SMC4: variants seen among roughly 807,000 people sequenced by gnomAD.
SMC4 encodes structural maintenance of chromosomes 4.
Under a neutral mutation model 145.6 loss-of-function variants are expected in SMC4, and 87 were observed. The ratio of observed to expected loss-of-function variants is 0.60; its 90% confidence interval spans 0.50 to 0.71. The LOEUF (loss-of-function observed/expected upper bound fraction) is 0.71. SMC4 is among the 30% of genes least tolerant of loss of function. The probability of loss-of-function intolerance (pLI) is 0.00; values close to 1 mark genes in which losing one functional copy is unlikely to be tolerated. For synonymous variants in SMC4, 558 were observed against 500.7 expected, an observed-to-expected ratio of 1.11 and a Z score of -1.53; for missense variants, 1,447 against 1,537.1, an observed-to-expected ratio of 0.94 and a Z score of 0.98.
intron 7 of SMC4, 55 bp downstream of exon 7, chr3:160,412,508 CA>C: frequency 6.6e-7 from 1 of 1,506,336 alleles, no homozygotes; most frequent in East Asian, 2.4e-5. Flanking sequence ...ACCATTAAGT[CA>C]AAGCCCTTCT....
intron 15 of SMC4, among the ~76,000 whole-genome samples, chr3:160,424,112 G>A (rs1480453097): frequency 6.6e-6 from 1 of 151,796 alleles, no homozygotes; most frequent in Non-Finnish European, 1.5e-5. Flanking sequence ...AATTATTTCT[G>A]TTTTACATTT....
rs572416954 is a variant in SMC4 at position 160,433,811 on chromosome 3, C to A, written c.*2C>A. 2.6e-5 allele frequency: 42 copies of A among 1,596,924 alleles called. 1 individual carries two copies. The East Asian group carries it at 4.1e-4, about 15-fold the overall frequency. On this transcript the variant is annotated 3_prime_UTR_variant, in exon 24 of 24. Transcript: ENST00000357388. ...ATTGCATCTAAGGGACTTTGTTGAA[C>A]TTTATGCTGAAGATTCTTCAAGTTG... is the stretch of plus-strand genomic sequence containing the variant.
chr3:160,403,700 A>C (rs1213318097), intron 4 of SMC4, among the ~76,000 whole-genome samples: 2 of 152,100 alleles, frequency 1.3e-5, no homozygotes, highest in Non-Finnish European at 2.9e-5. Flanking sequence ...TATTAATTAC[A>C]TTTGATTTAT....
chr3:160,415,936 A>C (rs1401667580), intron 9 of SMC4, among the ~76,000 whole-genome samples: 1 of 152,246 alleles, frequency 6.6e-6, no homozygotes, highest in Non-Finnish European at 1.5e-5. Flanking sequence ...TAGTCAGAGC[A>C]TATTTATAGC....
chr3:160,407,517 C>A (rs1264864499), intron 5 of SMC4, among the ~76,000 whole-genome samples: 9 of 152,020 alleles, frequency 5.9e-5, no homozygotes, highest in Non-Finnish European at 8.8e-5. Context: ...CGTACCACTG[C>A]ACTCCAGCCT....
chr3:160,420,874 A>G lies in SMC4; in HGVS notation c.1992A>G (p.Gly664=). 1.2e-6 allele frequency: 2 copies of G among 1,612,746 alleles called. No individual in the cohort carries two copies. Among genetic ancestry groups the G allele is most frequent in the Non-Finnish European group, 1.7e-6 (2 of 1,179,534 alleles). Residue 664 remains glycine, a synonymous_variant, in exon 13 of 24, where the codon GGA becomes GGG. Transcript: ENST00000357388. The part of the protein sequence containing the change: ...CVNFLKRQNI[G]VATFIGLDKM... ...ACTTCCTTAAAAGACAAAATATTGG[A>G]GTTGCAACCTTTATAGGTTTAGATA... is the stretch of plus-strand genomic sequence containing the variant.
intron 5 of SMC4, among the ~76,000 whole-genome samples, chr3:160,409,134 C>T (rs1309647678): frequency 1.3e-5 from 2 of 150,920 alleles, no homozygotes; most frequent in African/African-American, 4.9e-5. Flanking sequence ...GGCATGGTGG[C>T]GCGTGCCTGT....
chr3:160,404,192 C>A, intron 4 of SMC4, 136 bp from the exon 5 acceptor site: 1 of 688,296 alleles, frequency 1.5e-6, no homozygotes. Context: ...ATGAGAACTA[C>A]TGGCAGTTTG....
At position 160,423,445 on chromosome 3, in the gene SMC4, G is replaced by C. The variant is rs764454518; in HGVS notation, c.2040G>C (p.Lys680Asn). The change falls in exon 14 of 24, where the codon AAG becomes AAC. Residue 680 changes from lysine to asparagine, a missense_variant. Lys to Asn is a moderately conservative substitution (Grantham distance 94, BLOSUM62 0). Transcript: ENST00000357388. Reference sequence around the variant, plus strand: ...TTTAGATGGCTGTATGGGCGAAAAAGATGACCGAAATTCAAACTCCTGAAA... The same window carrying C: ...TTTAGATGGCTGTATGGGCGAAAAACATGACCGAAATTCAAACTCCTGAAA... The part of the protein sequence containing the change: ...GLDKMAVWAK[K>N]MTEIQTPENT... 7 of 1,585,510 alleles carry C rather than the reference G, an allele frequency of 4.4e-6. No homozygotes were observed. Among genetic ancestry groups the C allele is most frequent in the Non-Finnish European group, 6.0e-6 (7 of 1,161,672 alleles).
At position 160,414,461 on chromosome 3, in the gene SMC4, C is replaced by T; in HGVS notation, c.1216C>T (p.His406Tyr). Residue 406 changes from histidine to tyrosine, a missense_variant, in exon 9 of 24, where the codon CAT (histidine) becomes TAT (tyrosine). Transcript: ENST00000357388. ...TGTTCAAGTTAGAGAAAAGTTAAAA[C>T]ATGCCACGAGTAAAGCCAAAAAACT... Reference protein sequence around the residue: ...EDVQVREKLKHATSKAKKLEK... With the variant: ...EDVQVREKLKYATSKAKKLEK... 6.2e-7 allele frequency: 1 copy of T among 1,611,324 alleles called. No individual in the cohort carries two copies. The highest frequency in any genetic ancestry group is 8.5e-7 in the Non-Finnish European group (1 of 1,179,324).
chr3:160,410,111 G>T (rs898225703), intron 5 of SMC4, among the ~76,000 whole-genome samples: 1 of 152,066 alleles, frequency 6.6e-6, no homozygotes, highest in Non-Finnish European at 1.5e-5. Context: ...ACAAACTGCA[G>T]CCTCTAGATC....
chr3:160,413,636 T>A, intron 8 of SMC4, 23 bp downstream of exon 8: 1 of 1,197,500 alleles, frequency 8.4e-7, no homozygotes, highest in Non-Finnish European at 1.2e-6. Context: ...TGGGAAGTAC[T>A]AAAAGTATTT....
At position 160,408,995 on chromosome 3, in the gene SMC4, ATCT is replaced by A. The variant is rs529170135; in HGVS notation, c.688-2923_688-2921del. 2.5e-3 allele frequency among the ~76,000 whole-genome samples: 388 copies of A among 152,178 alleles called. 4 individuals carry two copies. Among genetic ancestry groups the A allele is most frequent in the African/African-American group, 8.7e-3 (361 of 41,554 alleles). ...TAAAAAAAAGCAATACGGTATAATA[ATCT>A]TAAGACTGCTGTAATCCCAGCACTT... On this transcript the variant is annotated intron_variant, in intron 5 of 23. Coordinates refer to ENST00000357388, the MANE Select transcript of SMC4 (RefSeq NM_001002800.3).
At position 160,401,777 on chromosome 3, in the gene SMC4, ACTC is replaced by A. The variant is rs1714693070; in HGVS notation, c.140-135_140-133del. ...TAACATATTTAAGTGGAAAATATAG[ACTC>A]CTAAGTTTCATAAATAACATCCCTC... is the stretch of plus-strand genomic sequence containing the variant. On this transcript the variant is annotated intron_variant, in intron 2 of 23. Coordinates refer to ENST00000357388, the MANE Select transcript of SMC4 (RefSeq NM_001002800.3). 6.3e-5 allele frequency: 40 copies of A among 638,228 alleles called. No homozygotes were observed. The South Asian group carries it at 8.2e-4, about 13-fold the overall frequency. The allele number at this position is 638,228 out of a possible 1,614,324, so 39.5% of individuals were successfully genotyped here. A position where few individuals can be genotyped will look rare whatever the true frequency, so the allele number is the denominator to read the frequency against.
chr3:160,416,567 C>A, intron 10 of SMC4, 152 bp downstream of exon 10: 1 of 439,336 alleles, frequency 2.3e-6, no homozygotes, highest in Non-Finnish European at 4.0e-6. Flanking sequence ...ACTTAGATGA[C>A]TATTCTTTTA....
In SMC4 at chr3:160,432,970, A is replaced by G. The variant is rs1011046045; in HGVS notation, c.3531-56A>G. 16 of 1,240,796 alleles carry G rather than the reference A, an allele frequency of 1.3e-5. No homozygotes were observed. The African/African-American group carries it at 2.3e-4, about 18-fold the overall frequency. The allele number at this position is 1,240,796 out of a possible 1,614,324, so 76.9% of individuals were successfully genotyped here. The stretch of plus-strand genomic sequence containing the variant: ...ACTCAATTATGGAAAGCAAATCACA[A>G]AGTCTTAACTTTAGCTTTACAGGTA... On this transcript the variant is annotated intron_variant, in intron 22 of 23. Coordinates refer to ENST00000357388, the MANE Select transcript of SMC4 (RefSeq NM_001002800.3).
intron 5 of SMC4, among the ~76,000 whole-genome samples, chr3:160,405,726 A>G (rs994749501): frequency 2.0e-5 from 3 of 152,064 alleles, no homozygotes; most frequent in African/African-American, 7.2e-5. Flanking sequence ...ATATATTTCT[A>G]AACAAGATTG....
At chr3:160,426,287 T>C (rs1226499056) in intron 17 of SMC4, 87 bp downstream of exon 17, 1 of 992,380 alleles carries the variant, frequency 1.0e-6, no homozygotes, top group Non-Finnish European at 1.5e-6. Context: ...AGAATAATAA[T>C]AGAAGCTAAG....
chr3:160,421,142 G>GATGGA (rs1268826791), intron 13 of SMC4, among the ~76,000 whole-genome samples: 1 of 151,778 alleles, frequency 6.6e-6, no homozygotes, highest in African/African-American at 2.4e-5. Flanking sequence ...TGTTAGCCAG[G>GATGGA]ATGGTCTGGA....
Sources: allele counts gnomAD v4.1 joint callset (sites outside exome capture counted in the v4.1 genomes callset), GRCh38; gene constraint gnomAD v4.1.1; transcripts MANE v1.5; gene names NCBI Gene and HGNC (gene_info 2026-07-23, HGNC 2026-07-21).